Variants in FRK observed in about 807,000 individuals in gnomAD.
FRK encodes fyn related Src family tyrosine kinase.
In FRK, 51 loss-of-function variants were observed where a neutral mutation model predicts 56.4. That is an observed-to-expected ratio of 0.90 (90% confidence interval 0.72 to 1.14). The LOEUF (loss-of-function observed/expected upper bound fraction) is 1.14, where lower values mean the gene tolerates loss of function less well. Among genes scored for constraint, FRK ranks in the 50% most tolerant of loss-of-function variants. FRK has a pLI of 0.00. For synonymous variants in FRK, 245 were observed against 217.9 expected (o/e 1.12, Z -1.10); for missense variants, 570 against 601.4 (o/e 0.95, Z 0.55).
At chr6:116,066,751 C>A in the FRK span, among the ~76,000 whole-genome samples, 1 of 152,166 alleles carries the variant, frequency 6.6e-6, no homozygotes, top group Non-Finnish European at 1.5e-5. Context: ...TTTTTTCTGA[C>A]CATGGATTCT....
chr6:116,096,153 G>C, the FRK span, among the ~76,000 whole-genome samples: 27,171 of 152,090 alleles, frequency 0.18, 2,914 homozygotes, highest in African/African-American at 0.29. Flanking sequence ...CCGAGGACCC[G>C]TGGACAAACC....
chr6:116,075,437 T>C, the FRK span, among the ~76,000 whole-genome samples: 1 of 148,194 alleles, frequency 6.7e-6, no homozygotes, highest in Non-Finnish European at 1.5e-5. Flanking sequence ...TTGGTGTGAT[T>C]ATGCAAATGT....
chr6:115,977,171 T>C (rs1774020778), intron 2 of FRK, among the ~76,000 whole-genome samples: 1 of 152,182 alleles, frequency 6.6e-6, no homozygotes, highest in South Asian at 2.1e-4. Flanking sequence ...ATTGATTTGT[T>C]ATGTTGTATC....
intron 1 of FRK, among the ~76,000 whole-genome samples, chr6:116,052,708 G>A (rs1777226297): frequency 6.6e-6 from 1 of 151,978 alleles, no homozygotes; most frequent in Non-Finnish European, 1.5e-5. Context: ...AGGAAGGAGA[G>A]GGTTATAGGC....
chr6:116,018,469 G>A (rs762336641), intron 1 of FRK, among the ~76,000 whole-genome samples: 7 of 152,044 alleles, frequency 4.6e-5, no homozygotes, highest in Non-Finnish European at 7.4e-5. Flanking sequence ...CTGGGGTAAG[G>A]GTGAAAGGCA....
At chr6:115,985,985 CT>C (rs1774376388) in intron 2 of FRK, among the ~76,000 whole-genome samples, 1 of 117,834 alleles carries the variant, frequency 8.5e-6, no homozygotes, top group Non-Finnish European at 1.9e-5. Context: ...GTGATGTTGC[CT>C]TTTGGTTGGG....
intron 2 of FRK, among the ~76,000 whole-genome samples, chr6:116,001,608 T>C (rs1462039146): frequency 2.0e-5 from 3 of 152,192 alleles, no homozygotes; most frequent in East Asian, 3.9e-4. Flanking sequence ...GGACTCAACT[T>C]TGACAAACAA....
intron 5 of FRK, 143 bp from the exon 6 acceptor site, chr6:115,944,568 T>C (rs547311747): frequency 1.2e-5 from 7 of 566,532 alleles, no homozygotes; most frequent in Non-Finnish European, 2.1e-5. Context: ...TATATATTTA[T>C]CATTAATACA....
chr6:115,960,013 A>C (rs1278562142), intron 4 of FRK, among the ~76,000 whole-genome samples: 1 of 152,190 alleles, frequency 6.6e-6, no homozygotes, highest in Admixed American at 6.5e-5. Context: ...GATCCAAACA[A>C]GTTAAGAAGT....
intron 2 of FRK, among the ~76,000 whole-genome samples, chr6:115,994,032 A>G (rs1774725756): frequency 6.6e-6 from 1 of 152,008 alleles, no homozygotes; most frequent in Non-Finnish European, 1.5e-5. Context: ...GTCATCTCTT[A>G]TAGTATTCTT....
intron 1 of FRK, among the ~76,000 whole-genome samples, chr6:116,018,401 T>C (rs1775731885): frequency 1.3e-5 from 2 of 152,166 alleles, no homozygotes; most frequent in African/African-American, 2.4e-5. Context: ...CCATTATCCA[T>C]AGCAGATGGT....
the FRK span, among the ~76,000 whole-genome samples, chr6:116,080,281 G>A: frequency 6.6e-6 from 1 of 152,088 alleles, no homozygotes; most frequent in East Asian, 1.9e-4. Flanking sequence ...TCAACCTCCT[G>A]AGTAGCTGGG....
At chr6:115,968,055 C>T (rs973398703) in intron 3 of FRK, among the ~76,000 whole-genome samples, 1 of 152,088 alleles carries the variant, frequency 6.6e-6, no homozygotes, top group African/African-American at 2.4e-5. Context: ...GCTGAAGTTC[C>T]CTCTCACCCA....
At chr6:116,072,971 A>G in the FRK span, among the ~76,000 whole-genome samples, 1 of 152,156 alleles carries the variant, frequency 6.6e-6, no homozygotes, top group Non-Finnish European at 1.5e-5. Context: ...GTTTGCCATG[A>G]GGAAGTTTGT....
chr6:116,098,501 C>T, the FRK span, among the ~76,000 whole-genome samples: 2 of 152,060 alleles, frequency 1.3e-5, no homozygotes, highest in African/African-American at 2.4e-5. Flanking sequence ...AATGCTAATC[C>T]TGTTGGATTA....
At chr6:115,994,155 G>C (rs1179837309) in intron 2 of FRK, among the ~76,000 whole-genome samples, 2 of 151,988 alleles carry the variant, frequency 1.3e-5, no homozygotes, top group Admixed American at 6.6e-5. Context: ...AGAGACTTTA[G>C]TATGCTTTGT....
At chr6:115,968,063 C>T (rs950818112) in intron 3 of FRK, among the ~76,000 whole-genome samples, 1 of 152,126 alleles carries the variant, frequency 6.6e-6, no homozygotes, top group African/African-American at 2.4e-5. Flanking sequence ...TCCCTCTCAC[C>T]CACAAATCCT....
intron 5 of FRK, among the ~76,000 whole-genome samples, chr6:115,953,728 T>C (rs1258143388): frequency 6.6e-6 from 1 of 152,212 alleles, no homozygotes; most frequent in African/African-American, 2.4e-5. Context: ...ACCAAGTTGA[T>C]CTTTTCAAGC....
chr6:115,983,339 A>C (rs969240315), intron 2 of FRK, among the ~76,000 whole-genome samples: 1 of 152,160 alleles, frequency 6.6e-6, no homozygotes, highest in Admixed American at 6.5e-5. Context: ...GTCAACCAGC[A>C]AGCACTTTTA....
Sources: allele counts gnomAD v4.1 joint callset (sites outside exome capture counted in the v4.1 genomes callset), GRCh38; gene constraint gnomAD v4.1.1; transcripts MANE v1.5; gene names NCBI Gene and HGNC (gene_info 2026-07-23, HGNC 2026-07-21).